The following SMURF1 variants were observed in gnomAD, a reference collection of about 807,000 sequenced individuals.
SMURF1 encodes E3 ubiquitin-protein ligase SMURF1.
In SMURF1, 44 loss-of-function variants were observed where a neutral mutation model predicts 98.0. The observed-to-expected ratio is 0.45, with a 90% CI of 0.35 to 0.58. The LOEUF (loss-of-function observed/expected upper bound fraction) is 0.58. Among genes scored for constraint, SMURF1 ranks in the 20% least tolerant of loss-of-function variants. The probability of loss-of-function intolerance (pLI) is 0.00; values close to 1 mark genes in which losing one functional copy is unlikely to be tolerated. For synonymous variants in SMURF1, 396 were observed against 374.9 expected, an observed-to-expected ratio of 1.06 and a Z score of -0.65; for missense variants, 687 against 938.4, an observed-to-expected ratio of 0.73 and a Z score of 3.50.
intron 13 of SMURF1, 126 bp downstream of exon 13, chr7:99,040,252 A>G: frequency 9.5e-7 from 1 of 1,054,644 alleles, no homozygotes. Flanking sequence ...GTTTCAGGTT[A>G]TAATACAATG....
intron 10 of SMURF1, 138 bp downstream of exon 10, chr7:99,047,544 GGT>G (rs1364331403): frequency 8.5e-6 from 7 of 820,140 alleles, no homozygotes. Context: ...CAGAAAGAAG[GGT>G]TCCCTGAAAC....
At position 99,040,275 on chromosome 7, in the gene SMURF1, TC is replaced by T. The variant is rs542038790; in HGVS notation, c.1550+102del. 626 of 1,211,480 alleles carry T rather than the reference TC, an allele frequency of 5.2e-4. 1 individual carries two copies. The highest frequency in any genetic ancestry group is 6.5e-4 in the Non-Finnish European group (593 of 918,892). 75.0% of individuals were successfully genotyped at this position (1,211,480 alleles called of 1,614,324 possible). ...TTATAATACAATGGCTTCACACACA[TC>T]CCCAAAATACACACACACGCGCGCG... On this transcript the variant is annotated intron_variant, in intron 13 of 17. Transcript: ENST00000361368.
chr7:99,139,917 T>C (rs1798078027), intron 1 of SMURF1, among the ~76,000 whole-genome samples: 1 of 152,182 alleles, frequency 6.6e-6, no homozygotes, highest in South Asian at 2.1e-4. Context: ...ATAAATGTAA[T>C]CAATACACAA....
chr7:99,100,376 G>A (rs1443434671), intron 1 of SMURF1, among the ~76,000 whole-genome samples: 2 of 152,174 alleles, frequency 1.3e-5, no homozygotes, highest in South Asian at 4.1e-4. Context: ...CCAACATGGT[G>A]AAACCCCGTC....
At position 99,087,101 on chromosome 7, in the gene SMURF1, G is replaced by A. The variant is rs575130721; in HGVS notation, c.56-25264C>T. ...AAAAATTAAATGTACTGGGTGCAGT[G>A]GCTCATGCCTATAATCCCAAAACTT... On this transcript the variant is annotated intron_variant, in intron 1 of 17. Coordinates refer to ENST00000361368, the MANE Select transcript of SMURF1 (RefSeq NM_181349.3). 5.6e-4 allele frequency among the ~76,000 whole-genome samples: 86 copies of A among 152,252 alleles called. 1 individual carries two copies. Among genetic ancestry groups the A allele is most frequent in the African/African-American group, 2.0e-3 (82 of 41,534 alleles).
At chr7:99,048,219 C>T (rs544722695) in intron 9 of SMURF1, 9 of 270,652 alleles carry the variant, frequency 3.3e-5, no homozygotes, top group South Asian at 8.1e-5. Flanking sequence ...GAAACCCGGT[C>T]TCTACTAAAA....
chr7:99,140,166 T>C (rs1798083424), intron 1 of SMURF1, among the ~76,000 whole-genome samples: 2 of 152,142 alleles, frequency 1.3e-5, no homozygotes, highest in African/African-American at 4.8e-5. Context: ...CCGTAACATG[T>C]AGTTAATGAG....
At chr7:99,049,286 G>A in intron 9 of SMURF1, 1 of 387,370 alleles carries the variant, frequency 2.6e-6, no homozygotes, top group Admixed American at 4.1e-5. Context: ...GCTGCGTGCG[G>A]AAACTTCCTT....
At position 99,040,488 on chromosome 7, in the gene SMURF1, G is replaced by A; in HGVS notation, c.1440C>T (p.Ile480=). 1 of 1,588,938 alleles carries A rather than the reference G, an allele frequency of 6.3e-7. No homozygotes were observed. Among genetic ancestry groups the A allele is most frequent in the Non-Finnish European group, 8.6e-7 (1 of 1,167,598 alleles). The change falls in exon 13 of 18, where the codon ATC becomes ATT. Residue 480 remains isoleucine (I), a synonymous_variant. Transcript: ENST00000361368. The part of the protein sequence containing the change: ...MGLAVFHGHY[I]NGGFTVPFYK... ...AGAAGGGCACTGTGAAGCCCCCGTT[G>A]ATGTAGTGTCCATGGAACACAGCCA...
intron 1 of SMURF1, among the ~76,000 whole-genome samples, chr7:99,065,224 A>T (rs1796159430): frequency 6.6e-6 from 1 of 151,928 alleles, no homozygotes; most frequent in Non-Finnish European, 1.5e-5. Flanking sequence ...CCTCCCAAGG[A>T]ACTGGGACCG....
chr7:99,085,755 G>T (rs188011749), intron 1 of SMURF1, among the ~76,000 whole-genome samples: 2 of 152,098 alleles, frequency 1.3e-5, no homozygotes, highest in Non-Finnish European at 1.5e-5. Context: ...TACTCTACCC[G>T]TTATTCTCCC....
chr7:99,051,706 T>A, intron 7 of SMURF1, among the ~76,000 whole-genome samples: 1 of 152,202 alleles, frequency 6.6e-6, no homozygotes, highest in East Asian at 1.9e-4. Flanking sequence ...GATTTTCACT[T>A]GATTTCTAAA....
At chr7:99,056,856 A>G (rs1472185534) in intron 5 of SMURF1, among the ~76,000 whole-genome samples, 4 of 152,138 alleles carry the variant, frequency 2.6e-5, no homozygotes, top group African/African-American at 9.6e-5. Flanking sequence ...TACAAAAATT[A>G]GCCAGGCGTG....
chr7:99,037,080 T>C lies in SMURF1; in HGVS notation c.1796A>G (p.Gln599Arg), dbSNP rs747225670. 6.2e-7 allele frequency: 1 copy of C among 1,613,976 alleles called. No individual in the cohort carries two copies. Among genetic ancestry groups the C allele is most frequent in the Non-Finnish European group, 8.5e-7 (1 of 1,180,020 alleles). ...GCAGGCACATACCTCCAGTTCCTTCTGGTCAAAAGGCTTCAGCAGATGTTG... is the reference window on the plus strand; with the variant it reads ...GCAGGCACATACCTCCAGTTCCTTCCGGTCAAAAGGCTTCAGCAGATGTTG... Reference protein sequence around the residue: ...IPQHLLKPFDQKELELIIGGL... With the variant: ...IPQHLLKPFDRKELELIIGGL... Residue 599 changes from glutamine to arginine, a missense_variant, in exon 15 of 18, where the codon CAG becomes CGG. Physicochemically the swap from Gln to Arg is conservative, Grantham distance 43. This residue lies in a region of SMURF1 where 272 missense variants were observed against 430.0 expected (regional missense o/e 0.63). Coordinates refer to ENST00000361368, the MANE Select transcript of SMURF1 (RefSeq NM_181349.3).
chr7:99,133,326 A>G (rs948466821), intron 1 of SMURF1, among the ~76,000 whole-genome samples: 2 of 152,028 alleles, frequency 1.3e-5, no homozygotes, highest in African/African-American at 4.8e-5. Context: ...TGAAGGGTAC[A>G]CAGGACCTCC....
chr7:99,095,666 CA>C (rs1291854801), intron 1 of SMURF1, among the ~76,000 whole-genome samples: 4 of 152,178 alleles, frequency 2.6e-5, no homozygotes, highest in African/African-American at 9.7e-5. Flanking sequence ...TATGCACAGG[CA>C]ATGGACTAGG....
chr7:99,042,698 T>A (rs541219067), intron 11 of SMURF1, among the ~76,000 whole-genome samples: 1 of 152,248 alleles, frequency 6.6e-6, no homozygotes, highest in Admixed American at 6.5e-5. Flanking sequence ...GTTCAGTGGC[T>A]ACACTCAGGT....
rs540866643 is a variant in SMURF1 at position 99,101,871 on chromosome 7, T to C, written c.56-40034A>G. ...AATCATTTGAACAGGGAGGCGGAGG[T>C]TGCAGTGAGCCGAGATTGTGCCATT... is the stretch of plus-strand genomic sequence containing the variant. On this transcript the variant is annotated intron_variant, in intron 1 of 17. Transcript: ENST00000361368. Among the ~76,000 whole-genome samples the C allele has an allele frequency of 3.3e-5, 5 of 151,662 alleles. No homozygotes were observed. In the East Asian group the frequency reaches 9.7e-4, roughly 30 times the overall value.
intron 1 of SMURF1, among the ~76,000 whole-genome samples, chr7:99,138,754 A>G (rs375520121): frequency 3.3e-5 from 5 of 152,242 alleles, no homozygotes; most frequent in African/African-American, 1.2e-4. Flanking sequence ...GAAAAAAGAA[A>G]GTTGTTCTAA....
Sources: allele counts gnomAD v4.1 joint callset (sites outside exome capture counted in the v4.1 genomes callset), GRCh38; gene constraint gnomAD v4.1.1; regional missense constraint gnomAD v4.1.1; transcripts MANE v1.5; gene names NCBI Gene and HGNC (gene_info 2026-07-23, HGNC 2026-07-21).